CACNG1: variants seen among roughly 807,000 people sequenced by gnomAD.
The protein encoded by CACNG1 is calcium voltage-gated channel auxiliary subunit gamma 1, also known as voltage-dependent calcium channel gamma-1 subunit.
In CACNG1, 21 loss-of-function variants were observed where a neutral mutation model predicts 22.0. The ratio of observed to expected loss-of-function variants is 0.95; its 90% CI spans 0.68 to 1.37. The LOEUF is 1.37. Among genes scored for constraint, CACNG1 ranks in the 40% most tolerant of loss-of-function variants. The probability of loss-of-function intolerance (pLI) is 0.00; values close to 1 mark genes in which losing one functional copy is unlikely to be tolerated. For missense variants in CACNG1, 291 were observed against 308.6 expected (o/e 0.94, Z 0.43); for synonymous variants, 127 against 129.2 (o/e 0.98, Z 0.12).
intron 1 of CACNG1, among the ~76,000 whole-genome samples, chr17:67,046,267 AGT>A (rs1050772033): frequency 5.9e-5 from 9 of 152,210 alleles, no homozygotes; most frequent in Non-Finnish European, 1.0e-4. Flanking sequence ...GAGTGATGTC[AGT>A]GTGATGTCCC....
In CACNG1 at chr17:67,056,389, C is replaced by A. The variant is rs1162611443; in HGVS notation, c.*118C>A. 5 of 803,938 alleles carry A rather than the reference C, an allele frequency of 6.2e-6. No homozygotes were observed. The highest frequency in any genetic ancestry group is 9.9e-6 in the Non-Finnish European group (5 of 503,020). The allele number at this position is 803,938 out of a possible 1,614,324, so 49.8% of individuals were successfully genotyped here. ...GCCCCACCCTGCTCCCATCTGCCCC[C>A]CTGCAACAGTCGCAGGCTGCTTCCT... On this transcript the variant is annotated 3_prime_UTR_variant, in exon 4 of 4. Coordinates refer to ENST00000226021, the MANE Select transcript of CACNG1 (RefSeq NM_000727.4). The surrounding 1 kb of genome is among the most constrained non-coding windows in gnomAD (Gnocchi z 4.3).
chr17:67,051,341 C>T (rs1472598470), intron 1 of CACNG1, among the ~76,000 whole-genome samples: 2 of 152,150 alleles, frequency 1.3e-5, no homozygotes, highest in African/African-American at 2.4e-5. Context: ...CTAAATGAGG[C>T]CTGGGTCTGA....
chr17:67,046,788 A>G (rs1035666732), intron 1 of CACNG1, among the ~76,000 whole-genome samples: 62 of 152,228 alleles, frequency 4.1e-4, no homozygotes, highest in African/African-American at 1.4e-3. Flanking sequence ...AAGACTGGGC[A>G]GTGAGCAGAA....
intron 1 of CACNG1, among the ~76,000 whole-genome samples, chr17:67,053,257 C>A (rs1255106715): frequency 1.3e-5 from 2 of 152,196 alleles, no homozygotes; most frequent in African/African-American, 4.8e-5. Flanking sequence ...TCCCAATGGC[C>A]ACTCGGAAAA....
intron 1 of CACNG1, 112 bp from the exon 2 acceptor site, chr17:67,053,884 G>C: frequency 1.3e-6 from 1 of 766,346 alleles, no homozygotes; most frequent in South Asian, 1.5e-5. Context: ...GGAGAAGAGA[G>C]GCTGCCAGAG....
chr17:67,044,778 G>GAGC lies in CACNG1; in HGVS notation c.120_122dup (p.Glu40_His41insGln). 1 of 1,613,326 alleles carries GAGC rather than the reference G, an allele frequency of 6.2e-7. No homozygotes were observed. Among genetic ancestry groups the GAGC allele is most frequent in the East Asian group, 2.2e-5 (1 of 44,874 alleles). On this transcript the variant is annotated inframe_insertion, in exon 1 of 4. Coordinates refer to ENST00000226021, the MANE Select transcript of CACNG1 (RefSeq NM_000727.4). This position sits in a 1 kb window ranked among gnomAD's most constrained non-coding sequence, Gnocchi z 6.9. Reference sequence around the variant, plus strand: ...CTGGGCTGTGCTGAGCCCCCACATGGAGCACCACAACACTACCTGCGAGGC... The same window carrying GAGC: ...CTGGGCTGTGCTGAGCCCCCACATGGAGCAGCACCACAACACTACCTGCGAGGC...
Position 67,056,421 on chromosome 17 carries a change from G to C in CACNG1, c.*150G>C. Reference sequence around the variant, plus strand: ...CAGTCGCAGGCTGCTTCCTCTCTCTGAGTTCCTCTGGGCTGCCGCAGGCTC... The same window carrying C: ...CAGTCGCAGGCTGCTTCCTCTCTCTCAGTTCCTCTGGGCTGCCGCAGGCTC... On this transcript the variant is annotated 3_prime_UTR_variant, in exon 4 of 4. Transcript: ENST00000226021. The surrounding 1 kb of genome is among the most constrained non-coding windows in gnomAD (Gnocchi z 4.3). 1.5e-6 allele frequency: 1 copy of C among 661,868 alleles called. No homozygotes were observed. The highest frequency in any genetic ancestry group is 2.6e-6 in the Non-Finnish European group (1 of 388,688). 41.0% of individuals were successfully genotyped at this position (661,868 alleles called of 1,614,324 possible).
chr17:67,054,836 A>T lies in CACNG1; in HGVS notation c.305-267A>T, dbSNP rs2035750336. Among the ~76,000 whole-genome samples, 1 of 151,838 alleles carries T rather than the reference A, an allele frequency of 6.6e-6. No homozygotes were observed. Among genetic ancestry groups the T allele is most frequent in the Non-Finnish European group, 1.5e-5 (1 of 67,912 alleles). On this transcript the variant is annotated intron_variant, in intron 2 of 3. Transcript: ENST00000226021. This position sits in a 1 kb window ranked among gnomAD's most constrained non-coding sequence, Gnocchi z 4.6. ...CAATGACACAGACACAGAGACACAC[A>T]CTGACACACACGTACAATGACAGAC...
intron 1 of CACNG1, among the ~76,000 whole-genome samples, chr17:67,050,497 T>G (rs1185246126): frequency 6.6e-6 from 1 of 152,254 alleles, no homozygotes; most frequent in African/African-American, 2.4e-5. Context: ...GTTAGAGGCT[T>G]CCTTGCACCC....
At position 67,056,309 on chromosome 17, in the gene CACNG1, C is replaced by G; in HGVS notation, c.*38C>G. 1.3e-6 allele frequency: 2 copies of G among 1,585,408 alleles called. No individual in the cohort carries two copies. Among genetic ancestry groups the G allele is most frequent in the Non-Finnish European group, 1.7e-6 (2 of 1,155,724 alleles). On this transcript the variant is annotated 3_prime_UTR_variant, in exon 4 of 4. Transcript: ENST00000226021. The surrounding 1 kb of genome is among the most constrained non-coding windows in gnomAD (Gnocchi z 4.3). ...CCTAGCGACCCTCAGGCTTCTTCCC[C>G]AGGAAGCGGGGTCTTGGCCTGGAAC...
rs1009488683 is a variant in CACNG1 at position 67,055,672 on chromosome 17, G to A, written c.443-373G>A. On this transcript the variant is annotated intron_variant, in intron 3 of 3. Coordinates refer to ENST00000226021, the MANE Select transcript of CACNG1 (RefSeq NM_000727.4). The surrounding 1 kb of genome is among the most constrained non-coding windows in gnomAD (Gnocchi z 4.5). ...CCTCCTAGTAGCTGGGACTACAGAC[G>A]TGCACCACCACACCTGGCTAATTTT... Among the ~76,000 whole-genome samples the A allele has an allele frequency of 6.6e-6, 1 of 152,028 alleles. No homozygotes were observed. The highest frequency in any genetic ancestry group is 6.6e-5 in the Admixed American group (1 of 15,260).
chr17:67,047,279 G>C (rs1178998768), intron 1 of CACNG1, among the ~76,000 whole-genome samples: 4 of 152,184 alleles, frequency 2.6e-5, no homozygotes. Context: ...GAGAAGGCTG[G>C]CAGAAATGGT....
At position 67,055,370 on chromosome 17, in the gene CACNG1, C is replaced by A; in HGVS notation, c.442+130C>A. 1.4e-5 allele frequency: 15 copies of A among 1,067,922 alleles called. No homozygotes were observed. The highest frequency in any genetic ancestry group is 1.2e-5 in the Non-Finnish European group (9 of 760,726). 66.2% of individuals were successfully genotyped at this position (1,067,922 alleles called of 1,614,324 possible). On this transcript the variant is annotated intron_variant, in intron 3 of 3. Coordinates refer to ENST00000226021, the MANE Select transcript of CACNG1 (RefSeq NM_000727.4). This position sits in a 1 kb window ranked among gnomAD's most constrained non-coding sequence, Gnocchi z 4.5. ...CCCAGGCTCCATCCCCATCCAGGGGCAAACCTGGCCAGGCCATCAGCGACT... is the reference window on the plus strand; with the variant it reads ...CCCAGGCTCCATCCCCATCCAGGGGAAAACCTGGCCAGGCCATCAGCGACT...
rs1440605968 is a variant in CACNG1 at position 67,056,388 on chromosome 17, C to T, written c.*117C>T. Reference sequence around the variant, plus strand: ...AGCCCCACCCTGCTCCCATCTGCCCCCCTGCAACAGTCGCAGGCTGCTTCC... The same window carrying T: ...AGCCCCACCCTGCTCCCATCTGCCCTCCTGCAACAGTCGCAGGCTGCTTCC... On this transcript the variant is annotated 3_prime_UTR_variant, in exon 4 of 4. Transcript: ENST00000226021. This position sits in a 1 kb window ranked among gnomAD's most constrained non-coding sequence, Gnocchi z 4.3. The T allele has an allele frequency of 1.2e-6, 1 of 812,958 alleles. No homozygotes were observed. Among genetic ancestry groups the T allele is most frequent in the African/African-American group, 1.7e-5 (1 of 58,358 alleles). 50.4% of individuals were successfully genotyped at this position (812,958 alleles called of 1,614,324 possible).
chr17:67,045,163 G>C (rs2035688812), intron 1 of CACNG1, among the ~76,000 whole-genome samples: 1 of 152,226 alleles, frequency 6.6e-6, no homozygotes, highest in Non-Finnish European at 1.5e-5. Context: ...GCTCAAGAAA[G>C]GAACTGCAGC....
At position 67,054,119 on chromosome 17, in the gene CACNG1, G is replaced by T. The variant is rs1348809999; in HGVS notation, c.304+49G>T. On this transcript the variant is annotated intron_variant, in intron 2 of 3. Transcript: ENST00000226021. This position sits in a 1 kb window ranked among gnomAD's most constrained non-coding sequence, Gnocchi z 4.6. ...TGGGGTGACAAGAGGGGACTTCTGTGTTGTGCACCACTGGGCCAGAAAGTC... is the reference window on the plus strand; with the variant it reads ...TGGGGTGACAAGAGGGGACTTCTGTTTTGTGCACCACTGGGCCAGAAAGTC... The T allele has an allele frequency of 1.4e-6, 2 of 1,441,376 alleles. No homozygotes were observed. The highest frequency in any genetic ancestry group is 2.0e-6 in the Non-Finnish European group (2 of 1,022,720). 89.3% of individuals were successfully genotyped at this position (1,441,376 alleles called of 1,614,324 possible).
At chr17:67,053,092 A>C (rs928317487) in intron 1 of CACNG1, among the ~76,000 whole-genome samples, 6 of 152,196 alleles carry the variant, frequency 3.9e-5, no homozygotes, top group Admixed American at 2.0e-4. Context: ...TACTGCCCAC[A>C]GACTTTCCAT....
rs762829834 is a variant in CACNG1, at chr17:67,055,267, C to T, written c.442+27C>T. ...TAGACTGGGGGATCTGCCTGAGCGC[C>T]GGGGCCGGGGGACCATGTCGCGGGG... On this transcript the variant is annotated intron_variant, in intron 3 of 3. Coordinates refer to ENST00000226021, the MANE Select transcript of CACNG1 (RefSeq NM_000727.4). The surrounding 1 kb of genome is among the most constrained non-coding windows in gnomAD (Gnocchi z 4.5). The T allele has an allele frequency of 1.2e-6, 2 of 1,601,770 alleles. No homozygotes were observed. The highest frequency in any genetic ancestry group is 1.7e-5 in the Admixed American group (1 of 59,552).
At chr17:67,047,769 C>T (rs950746611) in intron 1 of CACNG1, among the ~76,000 whole-genome samples, 1 of 151,994 alleles carries the variant, frequency 6.6e-6, no homozygotes, top group Non-Finnish European at 1.5e-5. Flanking sequence ...CCATAAGTTG[C>T]TTTGAAAAGC....
Sources: allele counts gnomAD v4.1 joint callset (sites outside exome capture counted in the v4.1 genomes callset), GRCh38; gene constraint gnomAD v4.1.1; non-coding constraint Gnocchi (gnomAD v3.1); transcripts MANE v1.5; gene names NCBI Gene and HGNC (gene_info 2026-07-23, HGNC 2026-07-21).